Variants in ADAMTSL1 observed in about 807,000 individuals in gnomAD.
ADAMTSL1 encodes ADAMTS-like protein 1.
Under a neutral mutation model 201.8 loss-of-function variants are expected in ADAMTSL1, and 126 were observed. The ratio of observed to expected loss-of-function variants is 0.62; its 90% CI spans 0.54 to 0.72. The LOEUF is 0.72. Ranked by LOEUF, ADAMTSL1 falls within the 30% of genes least tolerant of loss-of-function variation. The pLI, the probability that ADAMTSL1 is intolerant of heterozygous loss-of-function variation, is 0.00. For missense variants in ADAMTSL1, 2,679 were observed against 2,277.8 expected, an observed-to-expected ratio of 1.18 and a Z score of -3.59; for synonymous variants, 1,121 against 903.4, an observed-to-expected ratio of 1.24 and a Z score of -4.32.
Position 18,504,959 on chromosome 9 carries a change from A to C in ADAMTSL1, c.191+3A>C. ...CTGAGGCGCTGCCTGAGCAGCAAGT[A>C]AGTCCTGCACCCGTTGGGGGTCTTT... On this transcript the variant is annotated splice_donor_region_variant and intron_variant, in intron 2 of 28. Coordinates refer to ENST00000380548, the MANE Select transcript of ADAMTSL1 (RefSeq NM_001040272.6). 1 of 1,606,284 alleles carries C rather than the reference A, an allele frequency of 6.2e-7. No homozygotes were observed. The highest frequency in any genetic ancestry group is 1.1e-5 in the South Asian group (1 of 90,588).
chr9:18,248,827 A>T (rs1184362453), intron 2 of ADAMTSL1, among the ~76,000 whole-genome samples: 25 of 152,134 alleles, frequency 1.6e-4, no homozygotes, highest in Admixed American at 1.6e-3. Flanking sequence ...ACAAGATAGG[A>T]TTAGGCAAGA....
chr9:18,319,660 C>G (rs920938276), intron 2 of ADAMTSL1, among the ~76,000 whole-genome samples: 2 of 152,144 alleles, frequency 1.3e-5, no homozygotes, highest in Non-Finnish European at 2.9e-5. Flanking sequence ...AAGAAGAGCA[C>G]TACGTTTGCT....
chr9:18,679,347 G>A (rs1264622078), intron 10 of ADAMTSL1, among the ~76,000 whole-genome samples: 1 of 152,076 alleles, frequency 6.6e-6, no homozygotes, highest in Non-Finnish European at 1.5e-5. Flanking sequence ...CAGAATATAT[G>A]TAAAAAAGAC....
At chr9:18,039,654 G>A (rs1821353129) in intron 1 of ADAMTSL1, among the ~76,000 whole-genome samples, 1 of 152,104 alleles carries the variant, frequency 6.6e-6, no homozygotes, top group Non-Finnish European at 1.5e-5. Flanking sequence ...AATTTAGACT[G>A]GGAAAAGTCA....
In ADAMTSL1 at chr9:18,706,771, C is replaced by T. The variant is rs920743001; in HGVS notation, c.1599C>T (p.Ala533=). 4 of 1,606,908 alleles carry T rather than the reference C, an allele frequency of 2.5e-6. No homozygotes were observed. Among genetic ancestry groups the T allele is most frequent in the Non-Finnish European group, 3.4e-6 (4 of 1,176,586 alleles). Reference sequence around the variant, plus strand: ...GGTTCATCCCAGAGGCCTGGTCGGCCTGCACAGTCACCTGTGGTGTGGGGA... The same window carrying T: ...GGTTCATCCCAGAGGCCTGGTCGGCTTGCACAGTCACCTGTGGTGTGGGGA... ...EPSFIPEAWS[A]CTVTCGVGTQ... Residue 533 remains alanine (A), a synonymous_variant, in exon 14 of 29, where the codon GCC becomes GCT. Coordinates refer to ENST00000380548, the MANE Select transcript of ADAMTSL1 (RefSeq NM_001040272.6).
intron 1 of ADAMTSL1, among the ~76,000 whole-genome samples, chr9:17,983,290 C>T (rs1175525054): frequency 6.6e-6 from 1 of 151,754 alleles, no homozygotes; most frequent in Non-Finnish European, 1.5e-5. Context: ...AGGATGGTCT[C>T]GATCTGTTGA....
At chr9:18,211,510 T>A (rs1273526439) in intron 2 of ADAMTSL1, among the ~76,000 whole-genome samples, 1 of 152,140 alleles carries the variant, frequency 6.6e-6, no homozygotes, top group Admixed American at 6.6e-5. Flanking sequence ...ACAAAAAACC[T>A]CTCTAGGACT....
chr9:18,561,131 C>T (rs1306683180), intron 3 of ADAMTSL1, among the ~76,000 whole-genome samples: 1 of 152,036 alleles, frequency 6.6e-6, no homozygotes, highest in African/African-American at 2.4e-5. Context: ...ATTAGGGTGT[C>T]GATTTTAGAT....
chr9:18,178,217 G>A (rs1430447968), intron 2 of ADAMTSL1, among the ~76,000 whole-genome samples: 1 of 152,236 alleles, frequency 6.6e-6, no homozygotes, highest in Non-Finnish European at 1.5e-5. Context: ...CACTTGGGAA[G>A]CACAAGGGGT....
At chr9:18,165,951 C>T (rs914572126) in intron 2 of ADAMTSL1, among the ~76,000 whole-genome samples, 3 of 151,764 alleles carry the variant, frequency 2.0e-5, no homozygotes, top group Non-Finnish European at 4.4e-5. Flanking sequence ...CCTTTCTTGC[C>T]CCTTATTTAT....
chr9:18,050,420 A>C (rs1821880215), intron 1 of ADAMTSL1, among the ~76,000 whole-genome samples: 1 of 152,196 alleles, frequency 6.6e-6, no homozygotes, highest in Admixed American at 6.5e-5. Context: ...ACTTTTTAAT[A>C]AATATTCCCT....
intron 1 of ADAMTSL1, among the ~76,000 whole-genome samples, chr9:18,150,389 T>C (rs1826855544): frequency 6.6e-6 from 1 of 152,012 alleles, no homozygotes; most frequent in Non-Finnish European, 1.5e-5. Context: ...TTCATGCAGG[T>C]GAAATGAAGA....
chr9:18,619,431 T>C (rs948676177), intron 4 of ADAMTSL1, among the ~76,000 whole-genome samples: 1 of 152,038 alleles, frequency 6.6e-6, no homozygotes, highest in Non-Finnish European at 1.5e-5. Context: ...AACAATTGTG[T>C]CAGGGAGATG....
intron 1 of ADAMTSL1, among the ~76,000 whole-genome samples, chr9:17,913,110 A>C (rs1273417283): frequency 2.6e-5 from 4 of 152,126 alleles, no homozygotes; most frequent in Non-Finnish European, 5.9e-5. Flanking sequence ...CGTGTAGTAT[A>C]GTTTGAAGTC....
intron 9 of ADAMTSL1, among the ~76,000 whole-genome samples, chr9:18,668,669 G>A (rs1829619571): frequency 3.3e-5 from 5 of 152,156 alleles, no homozygotes; most frequent in Non-Finnish European, 7.3e-5. Context: ...GAGTAACTGT[G>A]AGAATTAATA....
At chr9:18,276,177 C>A (rs1832581169) in intron 2 of ADAMTSL1, among the ~76,000 whole-genome samples, 1 of 151,946 alleles carries the variant, frequency 6.6e-6, no homozygotes, top group African/African-American at 2.4e-5. Flanking sequence ...ATCACCCCTG[C>A]CCCTTTTTTA....
At chr9:18,435,626 A>T (rs1819695241) in intron 2 of ADAMTSL1, among the ~76,000 whole-genome samples, 1 of 152,184 alleles carries the variant, frequency 6.6e-6, no homozygotes, top group Admixed American at 6.5e-5. Flanking sequence ...CTTTGAAGAG[A>T]TCTGTGAGGC....
chr9:18,297,121 C>T (rs908304233), intron 2 of ADAMTSL1, among the ~76,000 whole-genome samples: 1 of 152,146 alleles, frequency 6.6e-6, no homozygotes, highest in Admixed American at 6.5e-5. Flanking sequence ...AACAGGGTCA[C>T]GATTTTCCCA....
At chr9:18,711,725 C>T (rs1483797182) in intron 14 of ADAMTSL1, among the ~76,000 whole-genome samples, 5 of 151,626 alleles carry the variant, frequency 3.3e-5, no homozygotes, top group African/African-American at 1.2e-4. Context: ...CTGGGAAGCT[C>T]GAACTGGGTG....
Sources: gnomAD v4.1 joint callset for allele counts (sites outside exome capture counted in the v4.1 genomes callset) on GRCh38, gnomAD v4.1.1 for gene constraint, MANE v1.5 for transcripts, NCBI Gene and HGNC (gene_info 2026-07-23, HGNC 2026-07-21) for gene names.